STRBP: variants seen among roughly 807,000 people sequenced by gnomAD.
The protein encoded by STRBP is spermatid perinuclear RNA binding protein.
In STRBP, 13 loss-of-function variants were observed where a neutral mutation model predicts 80.1. The observed-to-expected ratio is 0.16, with a 90% confidence interval of 0.11 to 0.26. The LOEUF is 0.26. Among genes scored for constraint, STRBP ranks in the 10% least tolerant of loss-of-function variants. The probability of loss-of-function intolerance (pLI) is 1.00; values close to 1 mark genes in which losing one functional copy is unlikely to be tolerated. For missense variants in STRBP, 485 were observed against 815.2 expected (o/e 0.59, Z 4.93); for synonymous variants, 284 against 291.2 (o/e 0.98, Z 0.25).
chr9:123,241,417 G>A (rs1356756290), intron 1 of STRBP, among the ~76,000 whole-genome samples: 1 of 152,038 alleles, frequency 6.6e-6, no homozygotes, highest in African/African-American at 2.4e-5. Context: ...GCTGAGGTGG[G>A]AGGGTCACTT....
intron 2 of STRBP, among the ~76,000 whole-genome samples, chr9:123,186,050 A>AT (rs71388356): frequency 2.0e-5 from 3 of 148,468 alleles, no homozygotes; most frequent in Non-Finnish European, 3.0e-5. Context: ...AAAAAAAAAA[A>AT]TGTGGAGCCA....
chr9:123,237,736 A>G (rs1022878778), intron 1 of STRBP, among the ~76,000 whole-genome samples: 1 of 152,204 alleles, frequency 6.6e-6, no homozygotes, highest in Non-Finnish European at 1.5e-5. Flanking sequence ...TATTTCAGCA[A>G]CTGGGTTACT....
intron 16 of STRBP, among the ~76,000 whole-genome samples, chr9:123,133,515 T>C (rs1487272376): frequency 6.6e-6 from 1 of 151,996 alleles, no homozygotes; most frequent in South Asian, 2.1e-4. Flanking sequence ...TTTGTGTATG[T>C]ATGTATCCAC....
chr9:123,175,085 A>C (rs138464909), intron 4 of STRBP, among the ~76,000 whole-genome samples: 4 of 152,348 alleles, frequency 2.6e-5, no homozygotes, highest in African/African-American at 4.8e-5. Flanking sequence ...TCTCATTTAA[A>C]TCTCACCACA....
Position 123,126,791 on chromosome 9 carries a change from G to A in STRBP, c.1943-1118C>T. Reference sequence around the variant, plus strand: ...CAAGACATAGTACAGTGAGTCTAGTGAGCCAAAATGTACTTGGATAAATGG... The same window carrying A: ...CAAGACATAGTACAGTGAGTCTAGTAAGCCAAAATGTACTTGGATAAATGG... On this transcript the variant is annotated intron_variant, in intron 18 of 18. Transcript: ENST00000348403. This position sits in a 1 kb window ranked among gnomAD's most constrained non-coding sequence, Gnocchi z 4.4. 6.6e-6 allele frequency among the ~76,000 whole-genome samples: 1 copy of A among 152,168 alleles called. No individual in the cohort carries two copies. Among genetic ancestry groups the A allele is most frequent in the East Asian group, 1.9e-4 (1 of 5,192 alleles).
Position 123,179,200 on chromosome 9 carries a change from C to A in STRBP, c.31G>T (p.Asp11Tyr). The A allele has an allele frequency of 6.2e-7, 1 of 1,609,216 alleles. No individual in the cohort carries two copies. Among genetic ancestry groups the A allele is most frequent in the South Asian group, 1.1e-5 (1 of 90,964 alleles). Reference protein sequence around the residue: MRSIRSFANDDRHVMVKHSTI... With the variant: MRSIRSFANDYRHVMVKHSTI... ...GAATGTTTCACCATAACATGGCGAT[C>A]ATCATTAGCAAAAGATCGAATAGAT... is the stretch of plus-strand genomic sequence containing the variant. Residue 11 changes from aspartate (D) to tyrosine (Y), a missense_variant, in exon 4 of 19, where the codon GAT becomes TAT. Around this residue, in one of 3 missense-constraint regions of STRBP, gnomAD observed 377 missense variants for 616.1 expected, o/e 0.61. Coordinates refer to ENST00000348403, the MANE Select transcript of STRBP (RefSeq NM_018387.5).
intron 2 of STRBP, among the ~76,000 whole-genome samples, chr9:123,235,008 G>T (rs867112010): frequency 1.7e-4 from 21 of 124,504 alleles, no homozygotes; most frequent in African/African-American, 2.9e-4. Flanking sequence ...GGGGGGGGGG[G>T]TACTGGGTAT....
intron 13 of STRBP, among the ~76,000 whole-genome samples, chr9:123,141,202 A>G (rs138026749): frequency 0.016 from 2,377 of 152,316 alleles, 30 homozygotes; most frequent in Non-Finnish European, 0.023. Flanking sequence ...TTTTGCCAAT[A>G]TAAACAGTGT....
intron 13 of STRBP, among the ~76,000 whole-genome samples, chr9:123,141,732 T>C (rs2036597964): frequency 6.6e-6 from 1 of 152,232 alleles, no homozygotes; most frequent in African/African-American, 2.4e-5. Flanking sequence ...TACAGCAACA[T>C]ATTTCAATAC....
chr9:123,235,265 G>T (rs1025778966), intron 2 of STRBP, among the ~76,000 whole-genome samples: 25 of 151,180 alleles, frequency 1.7e-4, no homozygotes, highest in African/African-American at 5.8e-4. Context: ...AGCTACAGAA[G>T]TTGAAGGATA....
chr9:123,236,170 A>G (rs879251550), intron 2 of STRBP, among the ~76,000 whole-genome samples: 1 of 152,220 alleles, frequency 6.6e-6, no homozygotes, highest in Admixed American at 6.5e-5. Flanking sequence ...CAATTTCTTG[A>G]GTACCATATA....
chr9:123,234,062 G>A (rs1305041733), intron 2 of STRBP, among the ~76,000 whole-genome samples: 7 of 151,938 alleles, frequency 4.6e-5, no homozygotes, highest in South Asian at 4.2e-4. Flanking sequence ...TTAGCCAGGC[G>A]TGGTGGCGGG....
intron 6 of STRBP, chr9:123,168,245 G>A (rs1427448779): frequency 7.1e-6 from 7 of 982,078 alleles, no homozygotes; most frequent in South Asian, 4.7e-5. Context: ...TACAGTTAAT[G>A]GTGAACTGTA....
At position 123,226,332 on chromosome 9, in the gene STRBP, A is replaced by G. The variant is rs1337252033; in HGVS notation, c.-165+10498T>C. On this transcript the variant is annotated intron_variant, in intron 2 of 18. Transcript: ENST00000348403. ...TCTGTCAAAATTCATAGAACCGTATATTCAAAAAAAATGTATTTTACTATA... is the reference window on the plus strand; with the variant it reads ...TCTGTCAAAATTCATAGAACCGTATGTTCAAAAAAAATGTATTTTACTATA... Among the ~76,000 whole-genome samples, 2 of 152,208 alleles carry G rather than the reference A, an allele frequency of 1.3e-5. 1 individual carries two copies. The highest frequency in any genetic ancestry group is 1.3e-4 in the Admixed American group (2 of 15,282).
intron 7 of STRBP, among the ~76,000 whole-genome samples, chr9:123,160,761 G>C (rs970741883): frequency 6.6e-6 from 1 of 152,098 alleles, no homozygotes; most frequent in Non-Finnish European, 1.5e-5. Context: ...CTGAAATTCA[G>C]AATACTAAGC....
At chr9:123,205,645 C>A (rs1205162575) in intron 2 of STRBP, among the ~76,000 whole-genome samples, 2 of 152,174 alleles carry the variant, frequency 1.3e-5, no homozygotes, top group African/African-American at 4.8e-5. Context: ...AATATTGTGT[C>A]CATACAAGAA....
chr9:123,158,548 T>A (rs903444569), intron 9 of STRBP, 119 bp from the exon 10 acceptor site: 2 of 836,962 alleles, frequency 2.4e-6, no homozygotes, highest in Non-Finnish European at 3.7e-6. Context: ...ACTGAGGAAC[T>A]AAGTTAAAAG....
At chr9:123,203,509 A>G (rs775149520) in intron 2 of STRBP, among the ~76,000 whole-genome samples, 4 of 152,026 alleles carry the variant, frequency 2.6e-5, no homozygotes, top group Admixed American at 6.6e-5. Context: ...CTCTATCACT[A>G]TTCCTCACTC....
chr9:123,165,276 T>C (rs1009366716), intron 6 of STRBP, among the ~76,000 whole-genome samples: 6 of 118,626 alleles, frequency 5.1e-5, no homozygotes, highest in African/African-American at 2.1e-4. Flanking sequence ...CGAGACTCCA[T>C]CTCAAAAAAA....
Sources: allele counts gnomAD v4.1 joint callset (sites outside exome capture counted in the v4.1 genomes callset), GRCh38; gene constraint gnomAD v4.1.1; regional missense constraint gnomAD v4.1.1; non-coding constraint Gnocchi (gnomAD v3.1); transcripts MANE v1.5; gene names NCBI Gene and HGNC (gene_info 2026-07-23, HGNC 2026-07-21).